The following LYZL2 variants were observed in gnomAD, a reference collection of about 807,000 sequenced individuals.
LYZL2 encodes the protein lysozyme like 2, also known as lysozyme-like protein 2.
Under a neutral mutation model 17.1 loss-of-function variants are expected in LYZL2, and 13 were observed. The observed-to-expected ratio is 0.76, with a 90% CI of 0.49 to 1.21. The LOEUF is 1.21. Among genes scored for constraint, LYZL2 ranks in the 50% most tolerant of loss-of-function variants. The pLI, the probability that LYZL2 is intolerant of heterozygous loss-of-function variation, is 0.00. For synonymous variants in LYZL2, 63 were observed against 74.4 expected (o/e 0.85, Z 0.79); for missense variants, 166 against 189.2 (o/e 0.88, Z 0.72).
downstream of LYZL2, among the ~76,000 whole-genome samples, chr10:30,611,570 GGAAAGAAA>G (rs71023593): frequency 4.2e-3 from 226 of 54,084 alleles, 3 homozygotes; most frequent in East Asian, 0.038. Flanking sequence ...AAGGAAGGAA[GGAAAGAAA>G]GAAAGAAAGA....
At chr10:30,611,753 G>GAAA, downstream of LYZL2, 1 of 655,382 alleles carries the variant, frequency 1.5e-6, no homozygotes, top group Non-Finnish European at 2.3e-6. Flanking sequence ...AAGAAAGAAA[G>GAAA]GAAAGAAAGA....
At chr10:30,611,700 GAAAAA>G (rs1838444918), downstream of LYZL2, 1 of 362,954 alleles carries the variant, frequency 2.8e-6, no homozygotes, top group African/African-American at 5.6e-5. Context: ...AAGAAAGAAA[GAAAAA>G]GAAAGAAAGA....
chr10:30,616,958 C>T lies in LYZL2; in HGVS notation c.299-4058G>A, dbSNP rs56991078. 3.9e-3 allele frequency among the ~76,000 whole-genome samples: 590 copies of T among 152,146 alleles called. 2 individuals are homozygous for T. Among genetic ancestry groups the T allele is most frequent in the African/African-American group, 0.012 (513 of 41,458 alleles). ...ACCTATGAGATTATCCAAACTTAAG[C>T]ATTTGGTACCTGATATATGTTCAAA... On this transcript the variant is annotated intron_variant, in intron 3 of 4. Coordinates refer to ENST00000647634, the MANE Select transcript of LYZL2 (RefSeq NM_183058.3).
In LYZL2 at chr10:30,619,061, C is replaced by A. The variant is rs1479123575; in HGVS notation, c.299-6161G>T. ...CAAAAGAAGATATTTATGCAGCCAA[C>A]AGACACATGAAAAAATGCTCATCAT... On this transcript the variant is annotated intron_variant, in intron 3 of 4. Coordinates refer to ENST00000647634, the MANE Select transcript of LYZL2 (RefSeq NM_183058.3). Among the ~76,000 whole-genome samples, 7 of 152,298 alleles carry A rather than the reference C, an allele frequency of 4.6e-5. No individual in the cohort carries two copies. In the East Asian group the frequency reaches 1.2e-3, roughly 25 times the overall value.
chr10:30,622,556 CAAAAAAAGAA>C (rs1240344675), intron 3 of LYZL2, among the ~76,000 whole-genome samples: 1 of 99,242 alleles, frequency 1.0e-5, no homozygotes, highest in Non-Finnish European at 2.2e-5. Context: ...CTCAACAAAA[CAAAAAAAGAA>C]AAAAAAAGAA....
downstream of LYZL2, among the ~76,000 whole-genome samples, chr10:30,610,373 A>C (rs1838418341): frequency 6.6e-6 from 1 of 152,200 alleles, no homozygotes. Context: ...ATAAAAAAGA[A>C]TGAGTTCATG....
chr10:30,621,692 A>T (rs2659495), intron 3 of LYZL2, among the ~76,000 whole-genome samples: 92,261 of 152,058 alleles, frequency 0.61, 28,635 homozygotes, highest in Middle Eastern at 0.63. Context: ...AGATATTTTC[A>T]GACAGAAAGA....
chr10:30,617,831 C>T (rs1240215615), intron 3 of LYZL2, among the ~76,000 whole-genome samples: 2 of 151,902 alleles, frequency 1.3e-5, no homozygotes, highest in African/African-American at 4.8e-5. Flanking sequence ...CCAGGGCAAT[C>T]AGGCAGGAGA....
At chr10:30,608,353 A>G (rs1277364022), downstream of LYZL2, among the ~76,000 whole-genome samples, 1 of 152,226 alleles carries the variant, frequency 6.6e-6, no homozygotes, top group East Asian at 1.9e-4. Flanking sequence ...TCCATTTTGG[A>G]GACACAGAGA....
chr10:30,606,745 C>T, the LYZL2 span, among the ~76,000 whole-genome samples: 2 of 152,136 alleles, frequency 1.3e-5, no homozygotes, highest in Non-Finnish European at 2.9e-5. Context: ...ACTCCCCACT[C>T]TGCACAGCTA....
downstream of LYZL2, chr10:30,611,718 G>GAAAGAAAGAAAGAAAGA (rs1554785015): frequency 8.6e-6 from 4 of 467,134 alleles, no homozygotes; most frequent in Non-Finnish European, 7.1e-6. Flanking sequence ...AAGAAAGAAA[G>GAAAGAAAGAAAGAAAGA]AAAGAAAAGA....
chr10:30,608,524 C>T (rs1376355169), downstream of LYZL2, among the ~76,000 whole-genome samples: 1 of 152,170 alleles, frequency 6.6e-6, no homozygotes, highest in East Asian at 1.9e-4. Context: ...GGCTCAGGTA[C>T]TTCCTGTTCG....
intron 3 of LYZL2, among the ~76,000 whole-genome samples, chr10:30,613,978 G>A (rs1333544795): frequency 1.3e-5 from 2 of 152,146 alleles, no homozygotes; most frequent in African/African-American, 4.8e-5. Context: ...CCAAAGTGCT[G>A]GGATTACAGA....
At chr10:30,613,626 C>A (rs150041846) in intron 3 of LYZL2, among the ~76,000 whole-genome samples, 1 of 151,950 alleles carries the variant, frequency 6.6e-6, no homozygotes, top group East Asian at 1.9e-4. Flanking sequence ...CAGTTTGTGT[C>A]TTAAAAAAAT....
At chr10:30,618,664 C>A (rs970086807) in intron 3 of LYZL2, among the ~76,000 whole-genome samples, 1 of 152,172 alleles carries the variant, frequency 6.6e-6, no homozygotes, top group Non-Finnish European at 1.5e-5. Flanking sequence ...ACACCTTATA[C>A]AAAAATTAAT....
chr10:30,627,873 G>A (rs1471766209), intron 1 of LYZL2, among the ~76,000 whole-genome samples: 1 of 152,306 alleles, frequency 6.6e-6, no homozygotes, highest in Non-Finnish European at 1.5e-5. Flanking sequence ...AAGATTCATC[G>A]TCTAGGCCAG....
chr10:30,606,455 C>A, the LYZL2 span, among the ~76,000 whole-genome samples: 1 of 149,012 alleles, frequency 6.7e-6, no homozygotes, highest in Admixed American at 6.8e-5. Context: ...CAGGATCAAT[C>A]GATCCTTCCA....
intron 3 of LYZL2, among the ~76,000 whole-genome samples, chr10:30,621,474 C>T (rs1355528991): frequency 6.6e-6 from 1 of 151,904 alleles, no homozygotes; most frequent in Middle Eastern, 3.2e-3. Flanking sequence ...GTCCCAGCTG[C>T]TCAGGAGGCT....
At chr10:30,621,454 CG>C (rs934265368) in intron 3 of LYZL2, among the ~76,000 whole-genome samples, 3 of 151,764 alleles carry the variant, frequency 2.0e-5, no homozygotes, top group African/African-American at 7.3e-5. Context: ...CATGGTGGCA[CG>C]TGCCTGTAGT....
Sources: allele counts gnomAD v4.1 joint callset (sites outside exome capture counted in the v4.1 genomes callset), GRCh38; gene constraint gnomAD v4.1.1; transcripts MANE v1.5; gene names NCBI Gene and HGNC (gene_info 2026-07-23, HGNC 2026-07-21).